Variants in RHNO1 observed in about 807,000 individuals in gnomAD.
RHNO1 encodes RAD9, HUS1, RAD1-interacting nuclear orphan protein 1.
In RHNO1, 9 loss-of-function variants were observed where a neutral mutation model predicts 7.2. The ratio of observed to expected loss-of-function variants is 1.25; its 90% CI spans 0.75 to 2.18. RHNO1 has a LOEUF of 2.18. Ranked by LOEUF, RHNO1 falls within the 30% of genes most tolerant of loss-of-function variation. The pLI is 0.00. For missense variants in RHNO1, 292 were observed against 284.5 expected (o/e 1.03, Z -0.19); for synonymous variants, 95 against 107.5 (o/e 0.88, Z 0.72).
chr12:2,888,682 C>T lies in RHNO1; in HGVS notation c.*223C>T, dbSNP rs1432128961. On this transcript the variant is annotated 3_prime_UTR_variant, in exon 3 of 3. Transcript: ENST00000489288. ...AGCTGGGATTACAGGCACCAGCCAC[C>T]ATGCCTGGCTAATTTTTTTGTATTT... The T allele has an allele frequency of 5.2e-6, 2 of 383,512 alleles. No individual in the cohort carries two copies. The highest frequency in any genetic ancestry group is 2.0e-5 in the African/African-American group (1 of 48,882). The allele number at this position is 383,512 out of a possible 1,614,324, so 23.8% of individuals were successfully genotyped here.
At position 2,887,834 on chromosome 12, in the gene RHNO1, G is replaced by T. The variant is rs576647724; in HGVS notation, c.169-77G>T. The T allele has an allele frequency of 3.2e-5, 38 of 1,198,562 alleles. No homozygotes were observed. The Admixed American group carries it at 1.0e-3, about 33-fold the overall frequency. 74.2% of individuals were successfully genotyped at this position (1,198,562 alleles called of 1,614,324 possible). A position where few individuals can be genotyped will look rare whatever the true frequency, so the allele number is the denominator to read the frequency against. ...TACTACAGTAGACCCCGATTTAAGA[G>T]TCTGGTCATCAGATACAGTTTCCTC... is the stretch of plus-strand genomic sequence containing the variant. On this transcript the variant is annotated intron_variant, in intron 2 of 2. Coordinates refer to ENST00000489288, the MANE Select transcript of RHNO1 (RefSeq NM_001252499.3).
chr12:2,882,861 A>G (rs2098159807), intron 1 of RHNO1, among the ~76,000 whole-genome samples: 1 of 152,170 alleles, frequency 6.6e-6, no homozygotes. Flanking sequence ...CAGGAATTTG[A>G]GACCAGCCTA....
intron 1 of RHNO1, among the ~76,000 whole-genome samples, chr12:2,882,900 A>C (rs1367875926): frequency 1.2e-4 from 18 of 151,942 alleles, no homozygotes; most frequent in Admixed American, 1.2e-3. Flanking sequence ...CATCTCTATA[A>C]AAAATGTTTC....
At chr12:2,881,126 T>C (rs1443675950) in intron 1 of RHNO1, among the ~76,000 whole-genome samples, 3 of 151,794 alleles carry the variant, frequency 2.0e-5, no homozygotes, top group African/African-American at 7.3e-5. Flanking sequence ...TTTTCTAGAC[T>C]GAATCTCGCT....
intron 1 of RHNO1, among the ~76,000 whole-genome samples, chr12:2,881,404 C>G (rs1210900341): frequency 1.3e-5 from 2 of 151,944 alleles, no homozygotes; most frequent in Non-Finnish European, 2.9e-5. Flanking sequence ...CGCCCGGCCT[C>G]TCTATACTTT....
intron 2 of RHNO1, among the ~76,000 whole-genome samples, chr12:2,887,582 A>T (rs549007998): frequency 6.6e-6 from 1 of 151,900 alleles, no homozygotes; most frequent in Admixed American, 6.6e-5. Context: ...TGGGAGACAG[A>T]GGTTGCAATG....
At position 2,889,488 on chromosome 12, in the gene RHNO1, A is replaced by C. The variant is rs2098169644; in HGVS notation, c.*1029A>C. 6.6e-6 allele frequency: 1 copy of C among 152,220 alleles called. No individual in the cohort carries two copies. Among genetic ancestry groups the C allele is most frequent in the African/African-American group, 2.4e-5 (1 of 41,448 alleles). The allele number at this position is 152,220 out of a possible 1,614,324, so 9.4% of individuals were successfully genotyped here. ...GAATGTCTCGGCCTTTTACTCAGAC[A>C]AGTAGCATCTCATTAAACCCATTCA... On this transcript the variant is annotated 3_prime_UTR_variant, in exon 3 of 3. Coordinates refer to ENST00000489288, the MANE Select transcript of RHNO1 (RefSeq NM_001252499.3).
chr12:2,887,925 T>C lies in RHNO1; in HGVS notation c.183T>C (p.Phe61=), dbSNP rs142103557. 1,024 of 1,590,282 alleles carry C rather than the reference T, an allele frequency of 6.4e-4. 1 individual carries two copies. The highest frequency in any genetic ancestry group is 8.3e-4 in the Non-Finnish European group (970 of 1,170,616). The change falls in exon 3 of 3, where the codon TTT becomes TTC. Residue 61 remains phenylalanine, a synonymous_variant. Coordinates refer to ENST00000489288, the MANE Select transcript of RHNO1 (RefSeq NM_001252499.3). ...TTTTTTTTAAGGTATCACCTGATTTTGATACAGCAGCAGGAAGCTTGTTCC... is the reference window on the plus strand; with the variant it reads ...TTTTTTTTAAGGTATCACCTGATTTCGATACAGCAGCAGGAAGCTTGTTCC... The part of the protein sequence containing the change: ...STITSWVSPD[F]DTAAGSLFPA...
At position 2,888,352 on chromosome 12, in the gene RHNO1, G is replaced by A. The variant is rs749978806; in HGVS notation, c.610G>A (p.Glu204Lys). The change falls in exon 3 of 3, where the codon GAG (glutamate) becomes AAG (lysine). Residue 204 changes from glutamate (E) to lysine (K), a missense_variant. Physicochemically the swap from Glu to Lys is moderately conservative, Grantham distance 56. Coordinates refer to ENST00000489288, the MANE Select transcript of RHNO1 (RefSeq NM_001252499.3). The stretch of plus-strand genomic sequence containing the variant: ...ACCTGTTCTGGTTAAAGACACCCCC[G>A]AGGACAAGTATGGAATAAAGGTCAC... ...PGPVLVKDTP[E>K]DKYGIKVTWR... 2.7e-5 allele frequency: 44 copies of A among 1,613,984 alleles called. No homozygotes were observed. Among genetic ancestry groups the A allele is most frequent in the African/African-American group, 4.0e-5 (3 of 74,886 alleles).
chr12:2,885,511 G>A lies in RHNO1; in HGVS notation c.145G>A (p.Asp49Asn). 1 of 1,601,606 alleles carries A rather than the reference G, an allele frequency of 6.2e-7. No individual in the cohort carries two copies. Among genetic ancestry groups the A allele is most frequent in the Non-Finnish European group, 8.5e-7 (1 of 1,174,020 alleles). ...HTRQVPSKPI[D>N]HSTITSWVSP... The stretch of plus-strand genomic sequence containing the variant: ...TCGACAGGTGCCCAGCAAGCCCATT[G>A]ACCACAGCACCATCACTTCCTGGGT... Residue 49 changes from aspartate to asparagine, a missense_variant, in exon 2 of 3, where the codon GAC becomes AAC. By Grantham distance (23) the Asp-to-Asn change is conservative. Transcript: ENST00000489288.
In RHNO1 at chr12:2,888,605, G is replaced by A; in HGVS notation, c.*146G>A. The A allele has an allele frequency of 1.7e-6, 1 of 582,480 alleles. No homozygotes were observed. The highest frequency in any genetic ancestry group is 4.9e-4 in the Middle Eastern group (1 of 2,056). 36.1% of individuals were successfully genotyped at this position (582,480 alleles called of 1,614,324 possible). A position where few individuals can be genotyped will look rare whatever the true frequency, so the allele number is the denominator to read the frequency against. On this transcript the variant is annotated 3_prime_UTR_variant, in exon 3 of 3. Coordinates refer to ENST00000489288, the MANE Select transcript of RHNO1 (RefSeq NM_001252499.3). ...TGCAGTGGTATGATCTCACCTTACTGCAACCACCACTTCCTGGGTTCAAGC... is the reference window on the plus strand; with the variant it reads ...TGCAGTGGTATGATCTCACCTTACTACAACCACCACTTCCTGGGTTCAAGC...
At chr12:2,880,013 T>C (rs1391551496) in intron 1 of RHNO1, among the ~76,000 whole-genome samples, 2 of 152,128 alleles carry the variant, frequency 1.3e-5, no homozygotes, top group South Asian at 2.1e-4. Context: ...AAAAGGGGTG[T>C]TCTGAAGTTC....
chr12:2,885,214 G>C, intron 1 of RHNO1, 69 bp from the exon 2 acceptor site: 1 of 689,168 alleles, frequency 1.5e-6, no homozygotes, highest in Non-Finnish European at 2.4e-6. Context: ...GAATTGGCTG[G>C]CAGAGGATCA....
At chr12:2,883,511 A>ATATATTTT (rs2098161542) in intron 1 of RHNO1, among the ~76,000 whole-genome samples, 8 of 26,840 alleles carry the variant, frequency 3.0e-4, no homozygotes, top group African/African-American at 1.0e-3. Context: ...ATATATATAT[A>ATATATTTT]TTTTTTTTTT....
upstream of RHNO1, chr12:2,876,312 A>G (rs1317750446): frequency 6.6e-6 from 1 of 152,132 alleles, no homozygotes; most frequent in African/African-American, 2.4e-5. Context: ...CTCTCCCCGC[A>G]TCAATCAGTA....
chr12:2,879,613 CG>C lies in RHNO1; in HGVS notation c.-85+2332del, dbSNP rs1315366882. 8.2e-4 allele frequency among the ~76,000 whole-genome samples: 124 copies of C among 151,962 alleles called. 2 individuals carry two copies. The East Asian group carries it at 0.022, about 27-fold the overall frequency. ...CCTCTGAAAGTGCTGGGATTACAGG[CG>C]TGAGCCACTGCGCTCAGCCTTACAC... On this transcript the variant is annotated intron_variant, in intron 1 of 2. Coordinates refer to ENST00000489288, the MANE Select transcript of RHNO1 (RefSeq NM_001252499.3).
In RHNO1 at chr12:2,888,615, C is replaced by T. The variant is rs2098168543; in HGVS notation, c.*156C>T. 1.8e-6 allele frequency: 1 copy of T among 546,998 alleles called. No individual in the cohort carries two copies. The highest frequency in any genetic ancestry group is 3.0e-5 in the East Asian group (1 of 32,822). The allele number at this position is 546,998 out of a possible 1,614,324, so 33.9% of individuals were successfully genotyped here. On this transcript the variant is annotated 3_prime_UTR_variant, in exon 3 of 3. Coordinates refer to ENST00000489288, the MANE Select transcript of RHNO1 (RefSeq NM_001252499.3). ...TGATCTCACCTTACTGCAACCACCA[C>T]TTCCTGGGTTCAAGCGATTCTCCTG... is the stretch of plus-strand genomic sequence containing the variant.
intron 2 of RHNO1, among the ~76,000 whole-genome samples, chr12:2,886,638 A>G (rs1037566687): frequency 2.0e-5 from 3 of 146,418 alleles, no homozygotes; most frequent in African/African-American, 7.7e-5. Flanking sequence ...CCTGGGCAAC[A>G]GTGTGAGACC....
chr12:2,885,162 G>C (rs1427200699), intron 1 of RHNO1, 121 bp from the exon 2 acceptor site: 1 of 532,408 alleles, frequency 1.9e-6, no homozygotes, highest in Non-Finnish European at 3.3e-6. Context: ...GTGGTTGTAG[G>C]TATAGGAGGC....
Sources: gnomAD v4.1 joint callset for allele counts (sites outside exome capture counted in the v4.1 genomes callset) on GRCh38, gnomAD v4.1.1 for gene constraint, MANE v1.5 for transcripts, NCBI Gene and HGNC (gene_info 2026-07-23, HGNC 2026-07-21) for gene names.